Variants in SVIL observed in about 807,000 individuals in gnomAD.
SVIL encodes the protein archvillin.
A neutral mutation model predicts 240.4 loss-of-function variants in SVIL; 101 were observed. That is an observed-to-expected ratio of 0.42 (90% CI 0.36 to 0.50). The LOEUF is 0.50. SVIL is among the 20% of genes least tolerant of loss of function. The pLI, the probability that SVIL is intolerant of heterozygous loss-of-function variation, is 0.01. For synonymous variants in SVIL, 999 were observed against 1,100.0 expected, an observed-to-expected ratio of 0.91 and a Z score of 1.82; for missense variants, 2,512 against 2,818.7, an observed-to-expected ratio of 0.89 and a Z score of 2.46.
chr10:29,466,923 G>C (rs1944996397), intron 33 of SVIL, among the ~76,000 whole-genome samples: 1 of 152,086 alleles, frequency 6.6e-6, no homozygotes, highest in Non-Finnish European at 1.5e-5. Flanking sequence ...TAAACATTGA[G>C]GGGCAGAGTA....
intron 20 of SVIL, among the ~76,000 whole-genome samples, chr10:29,494,094 C>T (rs1326918969): frequency 2.0e-5 from 3 of 152,114 alleles, no homozygotes; most frequent in Non-Finnish European, 4.4e-5. Context: ...TTGCTTGAGT[C>T]CAGTTCAAGG....
At chr10:29,633,409 C>G (rs1166908288) in intron 1 of SVIL, among the ~76,000 whole-genome samples, 1 of 152,064 alleles carries the variant, frequency 6.6e-6, no homozygotes, top group African/African-American at 2.4e-5. Flanking sequence ...CTGTATGGGA[C>G]TGTCCCCTAC....
intron 1 of SVIL, among the ~76,000 whole-genome samples, chr10:29,573,856 C>T (rs1193048836): frequency 6.6e-6 from 1 of 152,100 alleles, no homozygotes; most frequent in Non-Finnish European, 1.5e-5. Flanking sequence ...CCACCATGCC[C>T]AACTAATTTT....
At chr10:29,685,130 T>A (rs1180960709) in intron 2 of SVIL, among the ~76,000 whole-genome samples, 1 of 152,212 alleles carries the variant, frequency 6.6e-6, no homozygotes, top group Non-Finnish European at 1.5e-5. Context: ...ATCCAGGTGT[T>A]CCCATTGTTT....
intron 3 of SVIL, among the ~76,000 whole-genome samples, chr10:29,561,053 C>A (rs748283855): frequency 6.6e-6 from 1 of 151,222 alleles, no homozygotes; most frequent in African/African-American, 2.4e-5. Flanking sequence ...GATCTCCTGA[C>A]CTCGTAATCC....
chr10:29,584,895 G>A (rs1305703655), intron 1 of SVIL, among the ~76,000 whole-genome samples: 3 of 152,106 alleles, frequency 2.0e-5, no homozygotes, highest in South Asian at 2.1e-4. Flanking sequence ...GTCTTCAGGT[G>A]GTGAGAAAAT....
upstream of SVIL, among the ~76,000 whole-genome samples, chr10:29,637,765 C>G (rs777992679): frequency 2.0e-5 from 3 of 152,210 alleles, no homozygotes; most frequent in African/African-American, 7.2e-5. Context: ...CCATGGAATA[C>G]TACTCAACAA....
chr10:29,559,651 C>T (rs570951262), intron 3 of SVIL, among the ~76,000 whole-genome samples: 5 of 152,196 alleles, frequency 3.3e-5, no homozygotes, highest in Non-Finnish European at 7.3e-5. Flanking sequence ...TACATTAGGA[C>T]TTCCAAACAT....
chr10:29,546,172 T>G (rs960948902), intron 6 of SVIL, among the ~76,000 whole-genome samples: 2 of 152,240 alleles, frequency 1.3e-5, no homozygotes, highest in Non-Finnish European at 2.9e-5. Flanking sequence ...CCATAGGACC[T>G]AAATCCCTTT....
chr10:29,708,294 A>G (rs1411362276), intron 1 of SVIL, among the ~76,000 whole-genome samples: 1 of 147,894 alleles, frequency 6.8e-6, no homozygotes, highest in African/African-American at 2.5e-5. Flanking sequence ...ACAAATTTAC[A>G]TCAGCGAAGA....
intron 5 of SVIL, among the ~76,000 whole-genome samples, chr10:29,552,233 G>GTTCTATAAAAATATTTTCCGTA (rs1953427095): frequency 1.3e-5 from 2 of 151,446 alleles, no homozygotes; most frequent in South Asian, 4.2e-4. Context: ...AGTTATTAAT[G>GTTCTATAAAAATATTTTCCGTA]TTCTATAAAA....
At chr10:29,506,698 C>CCTTACGAGGGAGGGGACAGAGGG (rs1554826606) in intron 17 of SVIL, among the ~76,000 whole-genome samples, 32 of 108,174 alleles carry the variant, frequency 3.0e-4, no homozygotes, top group South Asian at 1.2e-3. Flanking sequence ...GGGACAGAGG[C>CCTTACGAGGGAGGGGACAGAGGG]CCTACGAGGG....
chr10:29,580,611 C>T (rs566305108), intron 1 of SVIL, among the ~76,000 whole-genome samples: 3 of 152,222 alleles, frequency 2.0e-5, no homozygotes, highest in African/African-American at 7.2e-5. Context: ...TGAAAGCACT[C>T]CCAGTCTACA....
chr10:29,735,026 C>T lies in SVIL; in HGVS notation c.-400+725G>A, dbSNP rs1031671377. Among the ~76,000 whole-genome samples, 8 of 152,214 alleles carry T rather than the reference C, an allele frequency of 5.3e-5. No individual in the cohort carries two copies. Among genetic ancestry groups the T allele is most frequent in the African/African-American group, 1.7e-4 (7 of 41,464 alleles). On this transcript the variant is annotated intron_variant, in intron 1 of 35. Transcript: ENST00000375400. The surrounding 1 kb of genome is among the most constrained non-coding windows in gnomAD (Gnocchi z 4.1). ...TTAATCCCGCACCTGACCCAGATTGCGGCCTGGACTGGAGCCTCCCCGCCG... is the reference window on the plus strand; with the variant it reads ...TTAATCCCGCACCTGACCCAGATTGTGGCCTGGACTGGAGCCTCCCCGCCG...
intron 5 of SVIL, 39 bp from the exon 6 acceptor site, chr10:29,551,302 AG>A: frequency 6.5e-7 from 1 of 1,526,802 alleles, no homozygotes; most frequent in Non-Finnish European, 8.8e-7. Flanking sequence ...GCAGATTTCA[AG>A]TAAAGACATG....
chr10:29,690,874 A>G (rs2132613146), intron 1 of SVIL, among the ~76,000 whole-genome samples: 1 of 152,304 alleles, frequency 6.6e-6, no homozygotes, highest in East Asian at 1.9e-4. Context: ...CATGGTCTGA[A>G]CTTTACCTGA....
At chr10:29,473,562 T>G in intron 30 of SVIL, 1 of 489,610 alleles carries the variant, frequency 2.0e-6, no homozygotes, top group Non-Finnish European at 3.6e-6. Flanking sequence ...GTGGAAACCT[T>G]TCAAAGCCAC....
intron 1 of SVIL, among the ~76,000 whole-genome samples, chr10:29,726,488 T>A (rs1964296453): frequency 6.6e-6 from 1 of 152,126 alleles, no homozygotes; most frequent in African/African-American, 2.4e-5. Context: ...GGCTCATGCC[T>A]GCAATCCCAG....
chr10:29,552,820 A>G (rs759756906), intron 5 of SVIL, among the ~76,000 whole-genome samples: 39 of 152,100 alleles, frequency 2.6e-4, no homozygotes, highest in Non-Finnish European at 4.9e-4. Context: ...CCCTCTGGCA[A>G]ACCCATTTTT....
Sources: allele counts gnomAD v4.1 joint callset (sites outside exome capture counted in the v4.1 genomes callset), GRCh38; gene constraint gnomAD v4.1.1; non-coding constraint Gnocchi (gnomAD v3.1); transcripts MANE v1.5; gene names NCBI Gene and HGNC (gene_info 2026-07-23, HGNC 2026-07-21).